The following USPL1 variants were observed in gnomAD, a reference collection of about 807,000 sequenced individuals.
The protein encoded by USPL1 is ubiquitin specific peptidase like 1, also known as SUMO-specific isopeptidase USPL1.
A neutral mutation model predicts 51.5 loss-of-function variants in USPL1; 27 were observed. That is an observed-to-expected ratio of 0.52 (90% confidence interval 0.39 to 0.72). USPL1 has a LOEUF of 0.72. Among genes scored for constraint, USPL1 ranks in the 30% least tolerant of loss-of-function variants. The pLI is 0.00. For missense variants in USPL1, 1,226 were observed against 1,268.0 expected (o/e 0.97, Z 0.50); for synonymous variants, 451 against 459.6 (o/e 0.98, Z 0.24).
chr13:30,647,018 G>A lies in USPL1; in HGVS notation c.1199G>A (p.Cys400Tyr). ...NAAHFGPCNN[C>Y]NSKSQIRKMV... ...GCCCATTTTGGTCCATGTAACAATT[G>A]CAACAGTAAATCACAAATAAGAAAA... The change falls in exon 7 of 9, where the codon TGC becomes TAC. Residue 400 changes from cysteine to tyrosine, a missense_variant. By Grantham distance (194) the Cys-to-Tyr change is radical (BLOSUM62 -2). Transcript: ENST00000255304. 1.2e-6 allele frequency: 2 copies of A among 1,613,134 alleles called. No individual in the cohort carries two copies. The highest frequency in any genetic ancestry group is 2.2e-5 in the South Asian group (2 of 91,046).
chr13:30,656,584 T>C (rs901069024), intron 8 of USPL1, among the ~76,000 whole-genome samples: 1 of 152,274 alleles, frequency 6.6e-6, no homozygotes, highest in Non-Finnish European at 1.5e-5. Context: ...TATCCATTTA[T>C]CTGTTACGGA....
intron 6 of USPL1, 90 bp from the exon 7 acceptor site, chr13:30,646,842 C>T (rs549224383): frequency 2.7e-5 from 38 of 1,395,904 alleles, no homozygotes; most frequent in Non-Finnish European, 3.4e-5. Flanking sequence ...GTATGAATCA[C>T]GAAAAAGGGG....
chr13:30,631,869 G>A (rs1950810651), intron 4 of USPL1, among the ~76,000 whole-genome samples: 1 of 152,076 alleles, frequency 6.6e-6, no homozygotes, highest in Non-Finnish European at 1.5e-5. Context: ...CATTGCTTCT[G>A]TTTCCTGGAG....
chr13:30,650,987 T>G (rs1338322224), intron 7 of USPL1, among the ~76,000 whole-genome samples: 3 of 147,582 alleles, frequency 2.0e-5, no homozygotes, highest in Non-Finnish European at 4.5e-5. Flanking sequence ...AGACGCCATC[T>G]CAAAAACAAA....
intron 3 of USPL1, among the ~76,000 whole-genome samples, chr13:30,628,703 G>A (rs1950757608): frequency 6.6e-6 from 1 of 152,176 alleles, no homozygotes; most frequent in Non-Finnish European, 1.5e-5. Context: ...CCATGTCTCT[G>A]CAAAGGACAT....
chr13:30,636,453 T>C (rs1468753352), intron 4 of USPL1, among the ~76,000 whole-genome samples: 2 of 152,160 alleles, frequency 1.3e-5, no homozygotes, highest in Non-Finnish European at 2.9e-5. Flanking sequence ...AAGCAGAGTG[T>C]GATCAGGCTG....
rs1365741103 is a variant in USPL1, at chr13:30,659,281, C to T, written c.3204C>T (p.Ser1068=). 6.2e-7 allele frequency: 1 copy of T among 1,613,968 alleles called. No individual in the cohort carries two copies. Among genetic ancestry groups the T allele is most frequent in the Admixed American group, 1.7e-5 (1 of 59,988 alleles). Residue 1068 remains serine (S), a synonymous_variant, in exon 9 of 9, where the codon TCC becomes TCT. Transcript: ENST00000255304. ...ATATTTTCGATGAGTTTTTTTCCTC[C>T]TCAGCATTAAATGCTTTAGCAAATG... ...KTDIFDEFFS[S]SALNALANDT...
At chr13:30,631,969 G>GT (rs58557045) in intron 4 of USPL1, among the ~76,000 whole-genome samples, 77 of 147,048 alleles carry the variant, frequency 5.2e-4, no homozygotes, top group South Asian at 1.5e-3. Context: ...CAGTTTTTTT[G>GT]TTTTTTTTTT....
intron 3 of USPL1, among the ~76,000 whole-genome samples, chr13:30,629,384 G>T (rs1950769052): frequency 6.6e-6 from 1 of 152,118 alleles, no homozygotes. Flanking sequence ...CTACTTGGGA[G>T]GCTAAGGTTG....
At chr13:30,648,119 G>A (rs1202006211) in intron 7 of USPL1, among the ~76,000 whole-genome samples, 1 of 152,106 alleles carries the variant, frequency 6.6e-6, no homozygotes, top group Non-Finnish European at 1.5e-5. Context: ...TCAGTACTCG[G>A]TGTTTGCATT....
At chr13:30,628,058 T>G (rs1235312383) in intron 3 of USPL1, among the ~76,000 whole-genome samples, 4 of 95,310 alleles carry the variant, frequency 4.2e-5, no homozygotes, top group Non-Finnish European at 6.9e-5. Flanking sequence ...TTTTTTTTTT[T>G]TTTTTTTTGT....
At chr13:30,619,450 C>T (rs1950619025) in intron 1 of USPL1, among the ~76,000 whole-genome samples, 1 of 152,050 alleles carries the variant, frequency 6.6e-6, no homozygotes, top group Non-Finnish European at 1.5e-5. Context: ...AAGAGAAAAC[C>T]GTTTGATTTG....
At chr13:30,634,919 C>G (rs755942840) in intron 4 of USPL1, among the ~76,000 whole-genome samples, 2 of 152,044 alleles carry the variant, frequency 1.3e-5, no homozygotes, top group African/African-American at 4.8e-5. Flanking sequence ...CTTGATTTGC[C>G]GTTTCCACAT....
intron 4 of USPL1, among the ~76,000 whole-genome samples, 195 bp from the exon 5 acceptor site, chr13:30,637,549 A>G (rs552776245): frequency 3.3e-5 from 5 of 152,202 alleles, no homozygotes; most frequent in Non-Finnish European, 5.9e-5. Context: ...GTAAGTACTA[A>G]TGATATTGTG....
At chr13:30,639,479 G>A (rs184347314) in intron 5 of USPL1, among the ~76,000 whole-genome samples, 48 of 151,492 alleles carry the variant, frequency 3.2e-4, no homozygotes, top group African/African-American at 1.1e-3. Flanking sequence ...CTGATTTTTC[G>A]TATGCCAAAT....
At chr13:30,635,189 G>A (rs1950859387) in intron 4 of USPL1, among the ~76,000 whole-genome samples, 1 of 152,034 alleles carries the variant, frequency 6.6e-6, no homozygotes, top group Non-Finnish European at 1.5e-5. Flanking sequence ...CTTTTCATTT[G>A]GAGCTAGTAA....
intron 8 of USPL1, among the ~76,000 whole-genome samples, chr13:30,653,950 T>A (rs907475757): frequency 1.3e-5 from 2 of 152,212 alleles, no homozygotes; most frequent in African/African-American, 4.8e-5. Context: ...ATTTAGACAC[T>A]CTTTCACACT....
In USPL1 at chr13:30,659,463, T is replaced by A. The variant is rs1951226830; in HGVS notation, c.*107T>A. Reference sequence around the variant, plus strand: ...TGGACTTGTGTAATTACTTGTGTAATAACCATGAACAAAATGCAAGGTTTA... The same window carrying A: ...TGGACTTGTGTAATTACTTGTGTAAAAACCATGAACAAAATGCAAGGTTTA... On this transcript the variant is annotated 3_prime_UTR_variant, in exon 9 of 9. Coordinates refer to ENST00000255304, the MANE Select transcript of USPL1 (RefSeq NM_005800.5). The A allele has an allele frequency of 9.6e-7, 1 of 1,040,674 alleles. No homozygotes were observed. The highest frequency in any genetic ancestry group is 1.6e-5 in the African/African-American group (1 of 62,194). The allele number at this position is 1,040,674 out of a possible 1,614,324, so 64.5% of individuals were successfully genotyped here.
In USPL1 at chr13:30,621,119, A is replaced by C; in HGVS notation, c.-22A>C. 1 of 1,596,918 alleles carries C rather than the reference A, an allele frequency of 6.3e-7. No homozygotes were observed. The highest frequency in any genetic ancestry group is 8.5e-7 in the Non-Finnish European group (1 of 1,172,596). On this transcript the variant is annotated 5_prime_UTR_variant, in exon 2 of 9. Coordinates refer to ENST00000255304, the MANE Select transcript of USPL1 (RefSeq NM_005800.5). ...GTGATATTGACATGTCTCAAGTGAC[A>C]TAAATTAGCCAATGACTCGGAATGA...
Sources: allele counts gnomAD v4.1 joint callset (sites outside exome capture counted in the v4.1 genomes callset), GRCh38; gene constraint gnomAD v4.1.1; transcripts MANE v1.5; gene names NCBI Gene and HGNC (gene_info 2026-07-23, HGNC 2026-07-21).